Variants in DRC7 observed in about 807,000 individuals in gnomAD.
DRC7 encodes the protein dynein regulatory complex subunit 7, also known as coiled-coil domain containing 135.
Under a neutral mutation model 104.4 loss-of-function variants are expected in DRC7, and 80 were observed. The observed-to-expected ratio is 0.77, with a 90% CI of 0.64 to 0.92. DRC7 has a LOEUF of 0.92. Ranked by LOEUF, DRC7 falls within the 40% of genes least tolerant of loss-of-function variation. DRC7 has a pLI of 0.00. For synonymous variants in DRC7, 405 were observed against 447.3 expected (o/e 0.91, Z 1.19); for missense variants, 1,034 against 1,141.1 (o/e 0.91, Z 1.35).
intron 6 of DRC7, 137 bp from the exon 7 acceptor site, chr16:57,704,733 TAGAGCC>T: frequency 1.2e-6 from 1 of 817,820 alleles, no homozygotes; most frequent in Non-Finnish European, 1.9e-6. Flanking sequence ...GAGCTGCATT[TAGAGCC>T]AGAAAGGCCA....
At chr16:57,696,136 G>A (rs888878122) in intron 1 of DRC7, among the ~76,000 whole-genome samples, 1 of 152,228 alleles carries the variant, frequency 6.6e-6, no homozygotes. Flanking sequence ...GGACAGAAAT[G>A]GAAAGACCCC....
rs200733305 is a variant in DRC7, at chr16:57,700,270, G to A, written c.504G>A (p.Pro168=). ...TGCCCCTGCCTGACCCTCTCAAGCC[G>A]GTAAGCACCACTCACAGGCTGCATG... is the stretch of plus-strand genomic sequence containing the variant. The part of the protein sequence containing the change: ...TMVPLPDPLK[P]PSHLYSSTTV... The change falls in exon 5 of 19, where the codon CCG becomes CCA. Residue 168 remains proline (P), a splice_region_variant and synonymous_variant. Coordinates refer to ENST00000360716, the MANE Select transcript of DRC7 (RefSeq NM_001289162.2). 111 of 1,612,398 alleles carry A rather than the reference G, an allele frequency of 6.9e-5. No homozygotes were observed. Among genetic ancestry groups the A allele is most frequent in the Non-Finnish European group, 9.0e-5 (106 of 1,178,858 alleles).
At chr16:57,698,530 C>CA (rs1180469512) in intron 3 of DRC7, among the ~76,000 whole-genome samples, 12 of 151,926 alleles carry the variant, frequency 7.9e-5, no homozygotes, top group East Asian at 7.7e-4. Context: ...CCCATGTCTA[C>CA]AAAAAATACA....
chr16:57,727,517 C>T (rs931593698), intron 16 of DRC7, 108 bp downstream of exon 16: 13 of 753,276 alleles, frequency 1.7e-5, no homozygotes, highest in African/African-American at 8.7e-5. Flanking sequence ...GTGGGGGATA[C>T]GGTTATTGAT....
Position 57,731,020 on chromosome 16 carries a change from C to T in DRC7, c.2481C>T (p.Tyr827=), listed in dbSNP as rs1207194453. The change falls in exon 18 of 19, where the codon TAC becomes TAT. Residue 827 remains tyrosine (Y), a synonymous_variant. Transcript: ENST00000360716. ...AGGATGAAGACCTGTACCTGAGTTACTGCTCTCAGGCCATGTTCCGCATCC... is the reference window on the plus strand; with the variant it reads ...AGGATGAAGACCTGTACCTGAGTTATTGCTCTCAGGCCATGTTCCGCATCC... ...TPEDEDLYLS[Y]CSQAMFRIRI... 6.2e-7 allele frequency: 1 copy of T among 1,613,570 alleles called. No individual in the cohort carries two copies. The highest frequency in any genetic ancestry group is 8.5e-7 in the Non-Finnish European group (1 of 1,179,972).
intron 17 of DRC7, among the ~76,000 whole-genome samples, chr16:57,729,499 T>A (rs2049022068): frequency 7.8e-6 from 1 of 128,188 alleles, no homozygotes; most frequent in South Asian, 2.7e-4. Context: ...GGTGGGTGGA[T>A]GGATGAGTGG....
chr16:57,711,021 C>T (rs2048787317), intron 8 of DRC7, among the ~76,000 whole-genome samples: 1 of 152,150 alleles, frequency 6.6e-6, no homozygotes, highest in South Asian at 2.1e-4. Flanking sequence ...TTTCCCTTTT[C>T]TTCAGTTTTC....
rs896147777 is a variant in DRC7, at chr16:57,721,547, C to T, written c.1207-120C>T. The T allele has an allele frequency of 8.4e-6, 6 of 715,428 alleles. No homozygotes were observed. In the African/African-American group the frequency reaches 1.1e-4, roughly 13 times the overall value. The allele number at this position is 715,428 out of a possible 1,614,324, so 44.3% of individuals were successfully genotyped here. Reference sequence around the variant, plus strand: ...GTCGTGCTCATGACCTCCAGTTCCCCTGCGGAAGCCAACGGACCACCTTGG... The same window carrying T: ...GTCGTGCTCATGACCTCCAGTTCCCTTGCGGAAGCCAACGGACCACCTTGG... On this transcript the variant is annotated intron_variant, in intron 9 of 18. Transcript: ENST00000360716.
chr16:57,698,006 G>A lies in DRC7; in HGVS notation c.57G>A (p.Ala19=), dbSNP rs376267380. ...AGGAGGAGGCCGAGCGGGAGGAGGCGGCCGAGTGGGCTGAATGGGCGAGGA... is the reference window on the plus strand; with the variant it reads ...AGGAGGAGGCCGAGCGGGAGGAGGCAGCCGAGTGGGCTGAATGGGCGAGGA... ...EEEEEAEREE[A]AEWAEWARME... Residue 19 remains alanine (A), a synonymous_variant, in exon 3 of 19, where the codon GCG becomes GCA. Coordinates refer to ENST00000360716, the MANE Select transcript of DRC7 (RefSeq NM_001289162.2). The A allele has an allele frequency of 1.3e-4, 213 of 1,613,768 alleles. No individual in the cohort carries two copies. In the East Asian group the frequency reaches 1.5e-3, roughly 12 times the overall value.
At position 57,699,039 on chromosome 16, in the gene DRC7, T is replaced by C; in HGVS notation, c.378+15T>C. The C allele has an allele frequency of 6.2e-7, 1 of 1,612,288 alleles. No homozygotes were observed. Among genetic ancestry groups the C allele is most frequent in the Non-Finnish European group, 8.5e-7 (1 of 1,179,012 alleles). ...GTGAAGTGCCCGTAAGGCTGGCATG[T>C]TGAGGGCAGGGCTGGGGAGCCTGGG... On this transcript the variant is annotated intron_variant, in intron 4 of 18. Coordinates refer to ENST00000360716, the MANE Select transcript of DRC7 (RefSeq NM_001289162.2).
At chr16:57,727,133 TG>T (rs2048978691) in intron 15 of DRC7, 165 bp from the exon 16 acceptor site, 1 of 659,854 alleles carries the variant, frequency 1.5e-6, no homozygotes, top group Non-Finnish European at 2.6e-6. Context: ...GCTAATTTCT[TG>T]TTTTTGTTTT....
At position 57,731,218 on chromosome 16, in the gene DRC7, A is replaced by T; in HGVS notation, c.2585A>T (p.Lys862Met). ...KYLALEEKLY[K>M]DPRLGELQKI... The stretch of plus-strand genomic sequence containing the variant: ...CTGGCTCTGGAGGAAAAGCTCTACA[A>T]GGACCCACGCCTGGGGGAGCTCCAG... The change falls in exon 19 of 19, where the codon AAG becomes ATG. Residue 862 changes from lysine (K) to methionine (M), a missense_variant. By Grantham distance (95) the Lys-to-Met change is moderately conservative. Coordinates refer to ENST00000360716, the MANE Select transcript of DRC7 (RefSeq NM_001289162.2). 2 of 1,613,772 alleles carry T rather than the reference A, an allele frequency of 1.2e-6. No homozygotes were observed. The highest frequency in any genetic ancestry group is 1.7e-6 in the Non-Finnish European group (2 of 1,179,978).
At chr16:57,710,050 C>A (rs2048777344) in intron 8 of DRC7, among the ~76,000 whole-genome samples, 1 of 152,226 alleles carries the variant, frequency 6.6e-6, no homozygotes, top group Non-Finnish European at 1.5e-5. Context: ...GCTTGAACCA[C>A]TGTCCCGGGC....
chr16:57,716,070 C>T (rs1318184206), intron 8 of DRC7, among the ~76,000 whole-genome samples: 4 of 152,194 alleles, frequency 2.6e-5, no homozygotes, highest in Non-Finnish European at 5.9e-5. Context: ...CGCAAACGTA[C>T]CCTGGGCACA....
rs1198695271 is a variant in DRC7, at chr16:57,718,440, A to C, written c.1171A>C (p.Ser391Arg). The C allele has an allele frequency of 6.2e-7, 1 of 1,614,004 alleles. No individual in the cohort carries two copies. Among genetic ancestry groups the C allele is most frequent in the African/African-American group, 1.3e-5 (1 of 74,930 alleles). ...SQLSLTEEDD[S>R]GINDEDDVEN... The stretch of plus-strand genomic sequence containing the variant: ...GCTGTCCTTGACTGAAGAAGACGAC[A>C]GTGGGATAAACGATGAGGATGATGT... Residue 391 changes from serine to arginine, a missense_variant, in exon 9 of 19, where the codon AGT becomes CGT. Coordinates refer to ENST00000360716, the MANE Select transcript of DRC7 (RefSeq NM_001289162.2).
intron 17 of DRC7, 69 bp downstream of exon 17, chr16:57,728,653 T>C: frequency 1.5e-6 from 2 of 1,332,862 alleles, no homozygotes; most frequent in South Asian, 3.0e-5. Flanking sequence ...GGCCCACGGC[T>C]GTCCGCCCAC....
At chr16:57,726,767 C>T (rs1226317079) in intron 14 of DRC7, 65 bp from the exon 15 acceptor site, 1 of 994,018 alleles carries the variant, frequency 1.0e-6, no homozygotes, top group African/African-American at 1.6e-5. Context: ...TAGATTTGAA[C>T]CCAGGTGGTC....
chr16:57,723,956 A>G (rs2048935237), intron 12 of DRC7, among the ~76,000 whole-genome samples: 1 of 152,132 alleles, frequency 6.6e-6, no homozygotes, highest in African/African-American at 2.4e-5. Flanking sequence ...ACTCTGTGTC[A>G]CTGTTGATGG....
chr16:57,700,148 T>A lies in DRC7; in HGVS notation c.382T>A (p.Phe128Ile). 6.2e-7 allele frequency: 1 copy of A among 1,613,642 alleles called. No homozygotes were observed. Among genetic ancestry groups the A allele is most frequent in the South Asian group, 1.1e-5 (1 of 91,058 alleles). ...HPLNECEVPK[F>I]VSTTLRPTLM... ...GGCACCATCTCTCTCCTTGCAGAAGTTCGTGAGCACAACCCTCCGGCCCAC... is the reference window on the plus strand; with the variant it reads ...GGCACCATCTCTCTCCTTGCAGAAGATCGTGAGCACAACCCTCCGGCCCAC... Residue 128 changes from phenylalanine to isoleucine, a missense_variant, in exon 5 of 19, where the codon TTC (phenylalanine) becomes ATC (isoleucine). By Grantham distance (21) the Phe-to-Ile change is conservative (BLOSUM62 0). Coordinates refer to ENST00000360716, the MANE Select transcript of DRC7 (RefSeq NM_001289162.2).
Sources: gnomAD v4.1 joint callset for allele counts (sites outside exome capture counted in the v4.1 genomes callset) on GRCh38, gnomAD v4.1.1 for gene constraint, MANE v1.5 for transcripts, NCBI Gene and HGNC (gene_info 2026-07-23, HGNC 2026-07-21) for gene names.